The following ACBD5 variants were observed in gnomAD, a reference collection of about 807,000 sequenced individuals.
The protein encoded by ACBD5 is acyl-CoA binding domain containing 5.
ACBD5 carries 40 observed loss-of-function variants against 71.8 expected under a neutral mutation model. The ratio of observed to expected loss-of-function variants is 0.56; its 90% CI spans 0.43 to 0.72. ACBD5 has a LOEUF of 0.72. Among genes scored for constraint, ACBD5 ranks in the 30% least tolerant of loss-of-function variants. The pLI is 0.00. For missense variants in ACBD5, 559 were observed against 644.5 expected, an observed-to-expected ratio of 0.87 and a Z score of 1.44; for synonymous variants, 229 against 218.6, an observed-to-expected ratio of 1.05 and a Z score of -0.42.
chr10:27,238,153 G>A (rs2064998762), intron 2 of ACBD5, among the ~76,000 whole-genome samples: 1 of 151,876 alleles, frequency 6.6e-6, no homozygotes, highest in Non-Finnish European at 1.5e-5. Context: ...CACCGTATTA[G>A]CCAGGATGGT....
intron 13 of ACBD5, among the ~76,000 whole-genome samples, chr10:27,189,285 C>T (rs1015190371): frequency 3.9e-5 from 6 of 152,180 alleles, no homozygotes; most frequent in Admixed American, 6.5e-5. Flanking sequence ...CCTCAGCCTC[C>T]CAAAATGCTG....
chr10:27,240,761 G>A lies in ACBD5; in HGVS notation c.-73C>T, dbSNP rs2065399999. 1 of 1,547,838 alleles carries A rather than the reference G, an allele frequency of 6.5e-7. No individual in the cohort carries two copies. The highest frequency in any genetic ancestry group is 2.0e-5 in the Admixed American group (1 of 50,976). ...GCTCTCCCACCCTGGGGACCCTGGC[G>A]GAGCAGCCACACCCCCCATTCCGCC... is the stretch of plus-strand genomic sequence containing the variant. On this transcript the variant is annotated 5_prime_UTR_variant, in exon 1 of 13. Coordinates refer to ENST00000396271, the MANE Select transcript of ACBD5 (RefSeq NM_145698.5). The surrounding 1 kb of genome is among the most constrained non-coding windows in gnomAD (Gnocchi z 4.1).
At chr10:27,184,546 T>C (rs1175573319) in intron 13 of ACBD5, among the ~76,000 whole-genome samples, 1 of 137,944 alleles carries the variant, frequency 7.2e-6, no homozygotes, top group Non-Finnish European at 1.5e-5. Flanking sequence ...CTATCACATA[T>C]AAGAAGGATT....
At position 27,235,130 on chromosome 10, in the gene ACBD5, T is replaced by G; in HGVS notation, c.264A>C (p.Ser88=). 6.2e-7 allele frequency: 1 copy of G among 1,613,796 alleles called. No individual in the cohort carries two copies. Among genetic ancestry groups the G allele is most frequent in the Non-Finnish European group, 8.5e-7 (1 of 1,179,756 alleles). The part of the protein sequence containing the change: ...KQATEGPCKL[S]RPGFWDPIGR... ...CAATAGGATCCCAAAATCCAGGCCT[T>G]GAAAGTTTACAGGGTCCTTCAGTTG... is the stretch of plus-strand genomic sequence containing the variant. The change falls in exon 3 of 13, where the codon TCA becomes TCC. Residue 88 remains serine, a synonymous_variant. Transcript: ENST00000396271.
At chr10:27,225,277 C>A (rs1403653026) in intron 4 of ACBD5, among the ~76,000 whole-genome samples, 1 of 152,158 alleles carries the variant, frequency 6.6e-6, no homozygotes, top group Non-Finnish European at 1.5e-5. Context: ...GCCACTGCGC[C>A]TGGCCAAAAC....
rs189115180 is a variant in ACBD5, at chr10:27,208,324, G to A, written c.1326C>T (p.Leu442=). The change falls in exon 10 of 13, where the codon CTC becomes CTT. Residue 442 remains leucine, a synonymous_variant. Transcript: ENST00000396271. The part of the protein sequence containing the change: ...SRGSLNEQIA[L]VLMRLQEDMQ... Reference sequence around the variant, plus strand: ...TGTCCTCCTGCAGTCTCATCAGCACGAGGGCGATCTGCTCATTGAGGCTGC... The same window carrying A: ...TGTCCTCCTGCAGTCTCATCAGCACAAGGGCGATCTGCTCATTGAGGCTGC... The A allele has an allele frequency of 1.4e-5, 22 of 1,614,148 alleles. No individual in the cohort carries two copies. The East Asian group carries it at 1.6e-4, about 11-fold the overall frequency.
At position 27,218,059 on chromosome 10, in the gene ACBD5, A is replaced by T; in HGVS notation, c.750T>A (p.Asn250Lys). The change falls in exon 7 of 13, where the codon AAT becomes AAA. Residue 250 changes from asparagine to lysine, a missense_variant. Asn to Lys is a moderately conservative substitution (Grantham distance 94). Coordinates refer to ENST00000396271, the MANE Select transcript of ACBD5 (RefSeq NM_145698.5). ...GCTTTACTTCTTCAGTGCTTCTGCCATTCAGGGAAGAACTGGCATGAATGT... is the reference window on the plus strand; with the variant it reads ...GCTTTACTTCTTCAGTGCTTCTGCCTTTCAGGGAAGAACTGGCATGAATGT... ...QNDIHASSSL[N>K]GRSTEEVKPI... The T allele has an allele frequency of 6.2e-7, 1 of 1,614,194 alleles. No homozygotes were observed. The highest frequency in any genetic ancestry group is 8.5e-7 in the Non-Finnish European group (1 of 1,180,028).
chr10:27,194,989 T>C (rs918458974), downstream of ACBD5, among the ~76,000 whole-genome samples: 5 of 152,130 alleles, frequency 3.3e-5, no homozygotes, highest in African/African-American at 1.2e-4. Flanking sequence ...AGCGAGACTC[T>C]GTCTCAAAAA....
chr10:27,225,078 T>TTTC (rs1554852665), intron 4 of ACBD5, among the ~76,000 whole-genome samples: 9 of 12,060 alleles, frequency 7.5e-4, no homozygotes, highest in East Asian at 1.0e-3. Flanking sequence ...GCTCTCTTTC[T>TTTC]TTTTTTTTTT....
intron 3 of ACBD5, 99 bp downstream of exon 3, chr10:27,234,993 C>T: frequency 2.3e-6 from 3 of 1,285,898 alleles, no homozygotes; most frequent in South Asian, 1.3e-5. Context: ...ACCTAGGACA[C>T]TTTCTGCACA....
At chr10:27,231,936 A>G (rs767129723) in intron 3 of ACBD5, 116 bp from the exon 4 acceptor site, 11 of 975,608 alleles carry the variant, frequency 1.1e-5, no homozygotes, top group South Asian at 5.3e-5. Context: ...ACTTAAAGCC[A>G]TAACAGGATT....
intron 7 of ACBD5, among the ~76,000 whole-genome samples, chr10:27,216,089 G>T (rs1469912030): frequency 2.0e-5 from 3 of 152,008 alleles, no homozygotes; most frequent in African/African-American, 7.2e-5. Flanking sequence ...GGTGCGGCTG[G>T]TCTCAAACTC....
intron 12 of ACBD5, among the ~76,000 whole-genome samples, chr10:27,203,117 G>A (rs1433081229): frequency 6.6e-6 from 1 of 151,340 alleles, no homozygotes; most frequent in Non-Finnish European, 1.5e-5. Context: ...TGGGACTAGA[G>A]GTGTGCACCA....
intron 4 of ACBD5, among the ~76,000 whole-genome samples, chr10:27,226,293 C>T (rs1278384980): frequency 6.6e-6 from 1 of 151,954 alleles, no homozygotes. Context: ...GTTTTTCAGC[C>T]CTTTCCTCCA....
intron 4 of ACBD5, among the ~76,000 whole-genome samples, chr10:27,230,796 C>CAAAAAA (rs10625879): frequency 4.5e-5 from 5 of 111,984 alleles, no homozygotes; most frequent in Non-Finnish European, 7.0e-5. Flanking sequence ...GACTCCATCT[C>CAAAAAA]AAAAAAAAAA....
rs1215896701 is a variant in ACBD5, at chr10:27,195,634, C to T, written c.*1796G>A. On this transcript the variant is annotated 3_prime_UTR_variant, in exon 13 of 13. Transcript: ENST00000396271. ...CATATAAATTCAGTTGCTTGCTTCA[C>T]TTTTTCCTAAATAAATAGGGAACAC... The T allele has an allele frequency of 1.4e-5, 6 of 422,086 alleles. No individual in the cohort carries two copies. Among genetic ancestry groups the T allele is most frequent in the African/African-American group, 1.0e-4 (5 of 48,030 alleles). 26.1% of individuals were successfully genotyped at this position (422,086 alleles called of 1,614,324 possible).
rs886876805 is a variant in ACBD5, at chr10:27,196,267, T to C, written c.*1163A>G. 24 of 453,954 alleles carry C rather than the reference T, an allele frequency of 5.3e-5. No individual in the cohort carries two copies. The highest frequency in any genetic ancestry group is 8.8e-5 in the Non-Finnish European group (20 of 226,782). 28.1% of individuals were successfully genotyped at this position (453,954 alleles called of 1,614,324 possible). A position where few individuals can be genotyped will look rare whatever the true frequency, so the allele number is the denominator to read the frequency against. On this transcript the variant is annotated 3_prime_UTR_variant, in exon 13 of 13. Transcript: ENST00000396271. Reference sequence around the variant, plus strand: ...CTTCAAAGCACAAGGTACATCTAAGTGAGCAGGAAGTTTTGGAAGGCATAC... The same window carrying C: ...CTTCAAAGCACAAGGTACATCTAAGCGAGCAGGAAGTTTTGGAAGGCATAC...
At chr10:27,182,960 G>C (rs1026754768) in intron 13 of ACBD5, among the ~76,000 whole-genome samples, 4 of 151,916 alleles carry the variant, frequency 2.6e-5, no homozygotes, top group African/African-American at 7.3e-5. Context: ...AAACAATCTT[G>C]TTAGTGTCTT....
chr10:27,207,702 C>T (rs190006295), intron 10 of ACBD5, among the ~76,000 whole-genome samples: 1 of 152,220 alleles, frequency 6.6e-6, no homozygotes, highest in African/African-American at 2.4e-5. Context: ...CCTATGAACC[C>T]TTTTCATTTT....
Sources: allele counts gnomAD v4.1 joint callset (sites outside exome capture counted in the v4.1 genomes callset), GRCh38; gene constraint gnomAD v4.1.1; non-coding constraint Gnocchi (gnomAD v3.1); transcripts MANE v1.5; gene names NCBI Gene and HGNC (gene_info 2026-07-23, HGNC 2026-07-21).